The following NCK2 variants were observed in gnomAD, a reference collection of about 807,000 sequenced individuals.
The protein encoded by NCK2 is cytoplasmic protein NCK2.
Under a neutral mutation model 33.9 loss-of-function variants are expected in NCK2, and 16 were observed. That is an observed-to-expected ratio of 0.47 (90% CI 0.32 to 0.72). NCK2 has a LOEUF of 0.72. Ranked by LOEUF, NCK2 falls within the 30% of genes least tolerant of loss-of-function variation. The probability of loss-of-function intolerance (pLI) is 0.03; values close to 1 mark genes in which losing one functional copy is unlikely to be tolerated. For synonymous variants in NCK2, 273 were observed against 239.9 expected, an observed-to-expected ratio of 1.14 and a Z score of -1.27; for missense variants, 418 against 537.3, an observed-to-expected ratio of 0.78 and a Z score of 2.19.
At chr2:105,878,355 G>T (rs986137623) in intron 3 of NCK2, among the ~76,000 whole-genome samples, 1 of 152,214 alleles carries the variant, frequency 6.6e-6, no homozygotes, top group African/African-American at 2.4e-5. Context: ...AGCCTTTACA[G>T]GGGTGATTAA....
intron 1 of NCK2, among the ~76,000 whole-genome samples, chr2:105,803,075 C>T (rs2104450355): frequency 6.6e-6 from 1 of 152,110 alleles, no homozygotes; most frequent in East Asian, 1.9e-4. Flanking sequence ...GATGGTTTTC[C>T]TTAGAGAAGA....
intron 2 of NCK2, among the ~76,000 whole-genome samples, chr2:105,826,873 C>T (rs548797296): frequency 6.6e-6 from 1 of 152,090 alleles, no homozygotes; most frequent in Non-Finnish European, 1.5e-5. Flanking sequence ...ATAGACCATG[C>T]AAATACTAAT....
chr2:105,883,879 C>A (rs371364187), intron 4 of NCK2, among the ~76,000 whole-genome samples: 1 of 152,168 alleles, frequency 6.6e-6, no homozygotes, highest in Non-Finnish European at 1.5e-5. Context: ...CAAGGAACAA[C>A]ATATATGATT....
chr2:105,826,520 A>G (rs1044526556), intron 2 of NCK2, among the ~76,000 whole-genome samples: 1 of 152,166 alleles, frequency 6.6e-6, no homozygotes, highest in African/African-American at 2.4e-5. Flanking sequence ...AAAGAGACTT[A>G]TATATAGATT....
chr2:105,803,578 C>G (rs1044332980), intron 1 of NCK2, among the ~76,000 whole-genome samples: 1 of 152,184 alleles, frequency 6.6e-6, no homozygotes, highest in Non-Finnish European at 1.5e-5. Context: ...TAGGAAAGTG[C>G]GGAACTGGCA....
intron 1 of NCK2, among the ~76,000 whole-genome samples, chr2:105,790,572 C>T (rs563813804): frequency 5.1e-4 from 78 of 152,322 alleles, no homozygotes; most frequent in Admixed American, 1.6e-3. Flanking sequence ...AGAAGTGTGC[C>T]AGGTGTTGCT....
chr2:105,891,566 T>TAGA (rs1678982896), intron 4 of NCK2, among the ~76,000 whole-genome samples: 6 of 11,020 alleles, frequency 5.4e-4, no homozygotes, highest in African/African-American at 2.6e-3. Flanking sequence ...TTTTTTTTTT[T>TAGA]TTGAGATTTT....
At chr2:105,882,111 T>A in intron 4 of NCK2, 62 bp downstream of exon 4, 2 of 1,433,162 alleles carry the variant, frequency 1.4e-6, no homozygotes, top group Non-Finnish European at 1.8e-6. Flanking sequence ...GCGGTGGGTC[T>A]GTGTGCCGCG....
rs200950807 is a variant in NCK2 at position 105,882,084 on chromosome 2, C to T, written c.948+35C>T. 1.2e-4 allele frequency: 175 copies of T among 1,479,254 alleles called. No individual in the cohort carries two copies. In the African/African-American group the frequency reaches 2.2e-3, roughly 18 times the overall value. The allele number at this position is 1,479,254 out of a possible 1,614,324, so 91.6% of individuals were successfully genotyped here. ...CTGCGCCCACAGCTCCGGCTGCAGG[C>T]AGTAAATGCGCCTTGCGCGGTGGGT... is the stretch of plus-strand genomic sequence containing the variant. On this transcript the variant is annotated intron_variant, in intron 4 of 4. Transcript: ENST00000233154.
chr2:105,889,269 A>G (rs1222306779), intron 4 of NCK2, among the ~76,000 whole-genome samples: 1 of 152,248 alleles, frequency 6.6e-6, no homozygotes, highest in Non-Finnish European at 1.5e-5. Flanking sequence ...TGTCTGGAGC[A>G]GAGCCAGAGT....
chr2:105,784,261 G>A (rs971698804), intron 1 of NCK2, among the ~76,000 whole-genome samples: 12 of 152,152 alleles, frequency 7.9e-5, no homozygotes, highest in African/African-American at 1.4e-4. Flanking sequence ...GAGACACCAC[G>A]CCCGGCTGTT....
intron 2 of NCK2, among the ~76,000 whole-genome samples, chr2:105,820,878 G>A (rs1403070588): frequency 6.6e-6 from 1 of 152,202 alleles, no homozygotes; most frequent in Non-Finnish European, 1.5e-5. Flanking sequence ...CACAACTCAA[G>A]TTTGAGTAAA....
At chr2:105,850,209 G>A (rs985223447) in intron 2 of NCK2, among the ~76,000 whole-genome samples, 1 of 152,148 alleles carries the variant, frequency 6.6e-6, no homozygotes, top group Non-Finnish European at 1.5e-5. Context: ...TGATCCCCGT[G>A]ACCTCTTTGG....
chr2:105,783,900 G>A (rs1215927016), intron 1 of NCK2, among the ~76,000 whole-genome samples: 2 of 152,128 alleles, frequency 1.3e-5, no homozygotes, highest in Non-Finnish European at 2.9e-5. Flanking sequence ...AATCTGAAAT[G>A]TGGATATATT....
intron 1 of NCK2, among the ~76,000 whole-genome samples, chr2:105,785,850 G>T (rs1315708285): frequency 6.6e-6 from 1 of 152,182 alleles, no homozygotes. Context: ...CTCATTTGAT[G>T]TGCTGAAGAA....
intron 3 of NCK2, among the ~76,000 whole-genome samples, chr2:105,864,154 G>A (rs1052605662): frequency 2.0e-5 from 3 of 152,050 alleles, no homozygotes; most frequent in South Asian, 2.1e-4. Context: ...AAGAACCCTC[G>A]GAGGTTTCCA....
intron 2 of NCK2, among the ~76,000 whole-genome samples, chr2:105,831,802 G>A (rs1558859855): frequency 6.6e-6 from 1 of 152,128 alleles, no homozygotes; most frequent in Non-Finnish European, 1.5e-5. Flanking sequence ...ATAGCTTGTA[G>A]TATATTTTGA....
intron 1 of NCK2, among the ~76,000 whole-genome samples, chr2:105,811,383 C>T (rs1021167471): frequency 6.6e-6 from 1 of 152,118 alleles, no homozygotes; most frequent in Admixed American, 6.5e-5. Context: ...CTTGTTGCTT[C>T]CTTTTCTGGC....
intron 2 of NCK2, among the ~76,000 whole-genome samples, chr2:105,828,398 A>G (rs6736932): frequency 0.3 from 46,373 of 152,112 alleles, 7,488 homozygotes; most frequent in South Asian, 0.39. Context: ...CCTGTAATTA[A>G]TGTTGGTCAA....
Sources: allele counts gnomAD v4.1 joint callset (sites outside exome capture counted in the v4.1 genomes callset), GRCh38; gene constraint gnomAD v4.1.1; transcripts MANE v1.5; gene names NCBI Gene and HGNC (gene_info 2026-07-23, HGNC 2026-07-21).